The following NEBL variants were observed in gnomAD, a reference collection of about 807,000 sequenced individuals.
NEBL encodes the protein LIM and SH3 protein 2.
In NEBL, 122 loss-of-function variants were observed where a neutral mutation model predicts 140.2. The ratio of observed to expected loss-of-function variants is 0.87; its 90% CI spans 0.75 to 1.01. The LOEUF is 1.01. Among genes scored for constraint, NEBL ranks in the 50% least tolerant of loss-of-function variants. The probability of loss-of-function intolerance (pLI) is 0.00; values close to 1 mark genes in which losing one functional copy is unlikely to be tolerated. For synonymous variants in NEBL, 436 were observed against 398.9 expected (o/e 1.09, Z -1.11); for missense variants, 1,365 against 1,231.3 (o/e 1.11, Z -1.62).
chr10:21,123,646 C>T (rs926049336), intron 2 of NEBL, among the ~76,000 whole-genome samples: 1 of 151,980 alleles, frequency 6.6e-6, no homozygotes, highest in South Asian at 2.1e-4. Context: ...ATTCTTCCTT[C>T]CCCTTCATAT....
intron 4 of NEBL, among the ~76,000 whole-genome samples, chr10:20,922,354 C>T (rs1833632404): frequency 6.6e-6 from 1 of 152,196 alleles, no homozygotes; most frequent in South Asian, 2.1e-4. Context: ...ACATTAAAAG[C>T]ATGAGAACGA....
chr10:21,274,646 G>A (rs562263532), intron 1 of NEBL, among the ~76,000 whole-genome samples: 4 of 152,074 alleles, frequency 2.6e-5, no homozygotes, highest in East Asian at 3.9e-4. Context: ...GCCTGGTCTC[G>A]AACCCCTGGC....
At chr10:21,249,538 A>C (rs979849935) in intron 2 of NEBL, among the ~76,000 whole-genome samples, 11 of 151,700 alleles carry the variant, frequency 7.3e-5, no homozygotes, top group Non-Finnish European at 1.5e-4. Context: ...ATTTTGAGTT[A>C]ATTTCAATAG....
chr10:21,064,291 C>T (rs930346914), intron 2 of NEBL, among the ~76,000 whole-genome samples: 8 of 152,156 alleles, frequency 5.3e-5, no homozygotes, highest in Admixed American at 3.3e-4. Context: ...GATTTGTTCA[C>T]TTCTTTGAAA....
At chr10:20,833,896 C>A (rs935476298) in intron 14 of NEBL, among the ~76,000 whole-genome samples, 1 of 152,128 alleles carries the variant, frequency 6.6e-6, no homozygotes, top group Non-Finnish European at 1.5e-5. Flanking sequence ...ATTTAGACCA[C>A]CACTATGGGG....
intron 3 of NEBL, among the ~76,000 whole-genome samples, chr10:20,976,866 A>G (rs1367556384): frequency 6.6e-6 from 1 of 151,648 alleles, no homozygotes; most frequent in Non-Finnish European, 1.5e-5. Context: ...GCCAAACCTC[A>G]GCATCACACA....
Position 21,173,667 on chromosome 10 carries a change from C to T in NEBL, c.69+98G>A, listed in dbSNP as rs1031501272. ...GCCAAGGCACACGCACACGCACCGA[C>T]CCACTCATTGCTTTCCATCCCAGGT... On this transcript the variant is annotated intron_variant, in intron 1 of 6. Coordinates refer to the NEBL transcript ENST00000417816. This position sits in a 1 kb window ranked among gnomAD's most constrained non-coding sequence, Gnocchi z 5.7. 7.3e-5 allele frequency: 116 copies of T among 1,585,556 alleles called. No individual in the cohort carries two copies. The highest frequency in any genetic ancestry group is 9.8e-5 in the Non-Finnish European group (114 of 1,165,392).
At chr10:21,061,044 G>C (rs1296117637) in intron 2 of NEBL, among the ~76,000 whole-genome samples, 3 of 151,538 alleles carry the variant, frequency 2.0e-5, no homozygotes, top group African/African-American at 4.8e-5. Flanking sequence ...TTGGAAATAG[G>C]GTCTTTGCAA....
chr10:21,174,928 G>A (rs1254859071), upstream of NEBL: 1 of 152,200 alleles, frequency 6.6e-6, no homozygotes, highest in Non-Finnish European at 1.5e-5. Flanking sequence ...TTTTAAGTGT[G>A]CGTGGATGTA....
At chr10:20,786,299 T>A (rs1472460059) in intron 27 of NEBL, among the ~76,000 whole-genome samples, 4 of 152,176 alleles carry the variant, frequency 2.6e-5, no homozygotes, top group African/African-American at 9.6e-5. Context: ...AAATCTCTCC[T>A]GGCAATGTAC....
At chr10:20,826,907 T>C (rs1839937183) in intron 17 of NEBL, among the ~76,000 whole-genome samples, 1 of 152,240 alleles carries the variant, frequency 6.6e-6, no homozygotes, top group Admixed American at 6.5e-5. Flanking sequence ...TAAGCCGTTA[T>C]CACTGAATTC....
intron 4 of NEBL, among the ~76,000 whole-genome samples, chr10:20,920,590 C>G (rs761331667): frequency 6.6e-6 from 1 of 151,972 alleles, no homozygotes; most frequent in Non-Finnish European, 1.5e-5. Context: ...GCTATATGAA[C>G]ACATTTACTT....
chr10:21,128,382 T>C (rs957436288), intron 2 of NEBL, among the ~76,000 whole-genome samples: 4 of 152,048 alleles, frequency 2.6e-5, no homozygotes, highest in African/African-American at 9.7e-5. Flanking sequence ...GAAGAGGCTC[T>C]CCAGACCAAA....
At chr10:21,040,406 C>G (rs1834219125) in intron 2 of NEBL, among the ~76,000 whole-genome samples, 1 of 152,140 alleles carries the variant, frequency 6.6e-6, no homozygotes, top group Admixed American at 6.6e-5. Context: ...TGCATGGCAC[C>G]AGCATCTGTT....
chr10:20,978,555 G>A (rs1349039614), intron 3 of NEBL, among the ~76,000 whole-genome samples: 2 of 152,006 alleles, frequency 1.3e-5, no homozygotes, highest in Non-Finnish European at 2.9e-5. Context: ...CCAGGAGTTC[G>A]AGAACAGCCT....
At chr10:21,185,145 G>T (rs983501949) in intron 3 of NEBL, among the ~76,000 whole-genome samples, 12 of 152,172 alleles carry the variant, frequency 7.9e-5, no homozygotes, top group African/African-American at 2.9e-4. Flanking sequence ...CCAAGAGAAA[G>T]TAATGACCAG....
chr10:20,840,653 G>A, intron 13 of NEBL, 86 bp downstream of exon 13: 1 of 869,342 alleles, frequency 1.2e-6, no homozygotes, highest in Admixed American at 1.9e-5. Flanking sequence ...AAAAGTTATA[G>A]ATGTATAGAA....
chr10:21,184,297 A>G (rs761085049), intron 3 of NEBL, among the ~76,000 whole-genome samples: 2 of 152,192 alleles, frequency 1.3e-5, no homozygotes, highest in African/African-American at 4.8e-5. Context: ...GGCAATCAAC[A>G]ACAGAAGTAA....
chr10:20,988,278 A>G (rs188576440), intron 3 of NEBL, among the ~76,000 whole-genome samples: 223 of 152,320 alleles, frequency 1.5e-3, no homozygotes, highest in African/African-American at 5.2e-3. Flanking sequence ...TCCTGAGTCC[A>G]TGACTTTCCC....
Sources: allele counts gnomAD v4.1 joint callset (sites outside exome capture counted in the v4.1 genomes callset), GRCh38; gene constraint gnomAD v4.1.1; non-coding constraint Gnocchi (gnomAD v3.1); transcripts MANE v1.5; gene names NCBI Gene and HGNC (gene_info 2026-07-23, HGNC 2026-07-21).